Variants in NCOA2 observed in about 807,000 individuals in gnomAD.
NCOA2 encodes the protein nuclear receptor coactivator 2.
NCOA2 carries 21 observed loss-of-function variants against 145.1 expected under a neutral mutation model. That is an observed-to-expected ratio of 0.14 (90% CI 0.10 to 0.21). NCOA2 has a LOEUF of 0.21. Among genes scored for constraint, NCOA2 ranks in the 10% least tolerant of loss-of-function variants. The probability of loss-of-function intolerance (pLI) is 1.00; values close to 1 mark genes in which losing one functional copy is unlikely to be tolerated. For synonymous variants in NCOA2, 619 were observed against 637.5 expected (o/e 0.97, Z 0.44); for missense variants, 1,472 against 1,837.6 (o/e 0.80, Z 3.64).
intron 2 of NCOA2, among the ~76,000 whole-genome samples, chr8:70,245,583 T>C (rs1213741575): frequency 1.3e-5 from 2 of 151,912 alleles, no homozygotes; most frequent in African/African-American, 4.8e-5. Context: ...CTCTCTCACA[T>C]ACACATACAC....
At chr8:70,378,098 A>G (rs980295603) in intron 1 of NCOA2, among the ~76,000 whole-genome samples, 3 of 152,134 alleles carry the variant, frequency 2.0e-5, no homozygotes, top group African/African-American at 7.2e-5. Context: ...GATTAAGGTC[A>G]GTAACATAGG....
chr8:70,265,881 C>G (rs1332974710), intron 2 of NCOA2, among the ~76,000 whole-genome samples: 1 of 152,092 alleles, frequency 6.6e-6, no homozygotes, highest in Non-Finnish European at 1.5e-5. Flanking sequence ...CGTGGTGGCT[C>G]ACGCCTGTAA....
chr8:70,314,336 A>G (rs888827795), intron 1 of NCOA2, among the ~76,000 whole-genome samples: 4 of 152,024 alleles, frequency 2.6e-5, no homozygotes, highest in African/African-American at 9.7e-5. Context: ...ATTTCTATCT[A>G]TGGACTAAAA....
At chr8:70,320,055 T>C (rs1805922661) in intron 1 of NCOA2, among the ~76,000 whole-genome samples, 1 of 152,198 alleles carries the variant, frequency 6.6e-6, no homozygotes, top group Admixed American at 6.5e-5. Context: ...AGTATAAATG[T>C]TTATAAATTC....
chr8:70,188,239 T>C (rs1019911809), intron 4 of NCOA2, among the ~76,000 whole-genome samples: 2 of 152,228 alleles, frequency 1.3e-5, no homozygotes, highest in African/African-American at 4.8e-5. Context: ...CAAAAACGCA[T>C]TGTGTGTTGT....
chr8:70,249,085 T>G (rs1319871336), intron 2 of NCOA2, among the ~76,000 whole-genome samples: 4 of 152,232 alleles, frequency 2.6e-5, no homozygotes, highest in African/African-American at 9.6e-5. Flanking sequence ...CTATGATTAG[T>G]TTATGTTACA....
rs114072150 is a variant in NCOA2, at chr8:70,252,415, T to A, written c.-19-35651A>T. Among the ~76,000 whole-genome samples the A allele has an allele frequency of 9.4e-3, 1,433 of 152,246 alleles. 22 individuals carry two copies. Among genetic ancestry groups the A allele is most frequent in the African/African-American group, 0.032 (1,335 of 41,532 alleles). ...CATAGTGAGACACTGTATCTATTTT[T>A]AAAAAATAAAACAAAATAAAACGTT... On this transcript the variant is annotated intron_variant, in intron 2 of 22. Coordinates refer to ENST00000452400, the MANE Select transcript of NCOA2 (RefSeq NM_006540.4).
At chr8:70,138,600 C>T (rs4074162) in intron 14 of NCOA2, among the ~76,000 whole-genome samples, 8,506 of 152,030 alleles carry the variant, frequency 0.056, 799 homozygotes, top group African/African-American at 0.2. Flanking sequence ...TATTCATGTG[C>T]GTTATATCTT....
intron 2 of NCOA2, among the ~76,000 whole-genome samples, chr8:70,275,902 T>C (rs1825430091): frequency 6.6e-6 from 1 of 152,336 alleles, no homozygotes; most frequent in South Asian, 2.1e-4. Context: ...AAAGGCTATG[T>C]AGCTGGTAGT....
chr8:70,277,354 CTTCTT>C (rs1485737828), intron 2 of NCOA2, among the ~76,000 whole-genome samples: 1 of 152,154 alleles, frequency 6.6e-6, no homozygotes, highest in Non-Finnish European at 1.5e-5. Context: ...GTAATAATCT[CTTCTT>C]TTCTCTATTT....
rs575998595 is a variant in NCOA2 at position 70,140,993 on chromosome 8, G to C, written c.3028+191C>G. On this transcript the variant is annotated intron_variant, in intron 14 of 22. Transcript: ENST00000452400. The stretch of plus-strand genomic sequence containing the variant: ...AATAAAACATCTCAAAGGTAGTTGG[G>C]TCTCTTATATGACTGAAGAACTTTT... Among the ~76,000 whole-genome samples the C allele has an allele frequency of 1.7e-3, 266 of 152,180 alleles. 1 individual carries two copies. The highest frequency in any genetic ancestry group is 6.2e-3 in the African/African-American group (259 of 41,508).
chr8:70,388,299 G>A (rs534539282), intron 1 of NCOA2, among the ~76,000 whole-genome samples: 4 of 152,314 alleles, frequency 2.6e-5, no homozygotes, highest in African/African-American at 9.6e-5. Context: ...AAAGGTATAT[G>A]TAAAATGAGG....
intron 4 of NCOA2, among the ~76,000 whole-genome samples, chr8:70,191,935 G>C (rs562265693): frequency 6.6e-6 from 1 of 152,274 alleles, no homozygotes; most frequent in South Asian, 2.1e-4. Context: ...CAGTTACTTG[G>C]GGAGGCTGAG....
At chr8:70,344,245 G>A (rs1042228997) in intron 1 of NCOA2, among the ~76,000 whole-genome samples, 3 of 152,322 alleles carry the variant, frequency 2.0e-5, no homozygotes, top group Middle Eastern at 3.4e-3. Flanking sequence ...GAATGAGGTG[G>A]AGAGGTGGGA....
intron 1 of NCOA2, among the ~76,000 whole-genome samples, chr8:70,303,885 C>G (rs917261588): frequency 1.1e-4 from 16 of 152,008 alleles, no homozygotes; most frequent in Middle Eastern, 3.2e-3. Flanking sequence ...CTAGAGCATG[C>G]CACCCTAACA....
intron 1 of NCOA2, among the ~76,000 whole-genome samples, chr8:70,349,587 A>G (rs889999607): frequency 2.0e-5 from 3 of 152,072 alleles, no homozygotes; most frequent in Non-Finnish European, 2.9e-5. Flanking sequence ...TAACCCCACT[A>G]TACATTTTGA....
Position 70,157,056 on chromosome 8 carries a change from G to C in NCOA2, c.1309C>G (p.Pro437Ala), listed in dbSNP as rs111724038. Reference sequence around the variant, plus strand: ...CCAGAACCACCAAACCTGCCCATGGGCATGCCCATTTGTTCCTTTGGGCCA... The same window carrying C: ...CCAGAACCACCAAACCTGCCCATGGCCATGCCCATTTGTTCCTTTGGGCCA... ...INGPKEQMGM[P>A]MGRFGGSGGM... The change falls in exon 11 of 23, where the codon CCC becomes GCC. Residue 437 changes from proline to alanine, a missense_variant. Pro to Ala is a conservative substitution (Grantham distance 27). This residue lies in a region of NCOA2 where 953 missense variants were observed against 1,062.1 expected (regional missense o/e 0.90). Transcript: ENST00000452400. The C allele has an allele frequency of 3.1e-6, 5 of 1,613,898 alleles. No individual in the cohort carries two copies. In the African/African-American group the frequency reaches 6.7e-5, roughly 22 times the overall value.
the NCOA2 span, among the ~76,000 whole-genome samples, chr8:70,442,086 GAAGA>G: frequency 2.8e-5 from 2 of 70,982 alleles, no homozygotes; most frequent in South Asian, 4.3e-4. Context: ...AAGAAAAAGA[GAAGA>G]AAGAAAGAAG....
rs537312815 is a variant in NCOA2 at position 70,275,900 on chromosome 8, T to C, written c.-20+20844A>G. Among the ~76,000 whole-genome samples the C allele has an allele frequency of 6.0e-4, 92 of 152,354 alleles. 2 individuals carry two copies. The Middle Eastern group carries it at 0.01, about 17-fold the overall frequency. On this transcript the variant is annotated intron_variant, in intron 2 of 22. Coordinates refer to ENST00000452400, the MANE Select transcript of NCOA2 (RefSeq NM_006540.4). ...ACACTTTCAACAACTATAAAGGCTA[T>C]GTAGCTGGTAGTATAGCAGAAATAG...
Sources: gnomAD v4.1 joint callset for allele counts (sites outside exome capture counted in the v4.1 genomes callset) on GRCh38, gnomAD v4.1.1 for gene constraint, gnomAD v4.1.1 regional missense constraint, MANE v1.5 for transcripts, NCBI Gene and HGNC (gene_info 2026-07-23, HGNC 2026-07-21) for gene names.